PRKN: variants seen among roughly 807,000 people sequenced by gnomAD.
PRKN encodes E3 ubiquitin-protein ligase parkin.
In PRKN, 56 loss-of-function variants were observed where a neutral mutation model predicts 59.5. The observed-to-expected ratio is 0.94, with a 90% CI of 0.76 to 1.18. The LOEUF (loss-of-function observed/expected upper bound fraction) is 1.18. Among genes scored for constraint, PRKN ranks in the 50% most tolerant of loss-of-function variants. The pLI is 0.00. For missense variants in PRKN, 657 were observed against 596.4 expected, an observed-to-expected ratio of 1.10 and a Z score of -1.06; for synonymous variants, 250 against 222.1, an observed-to-expected ratio of 1.13 and a Z score of -1.12.
intron 4 of PRKN, among the ~76,000 whole-genome samples, chr6:162,133,546 A>G (rs1225442402): frequency 6.6e-6 from 1 of 152,168 alleles, no homozygotes; most frequent in Non-Finnish European, 1.5e-5. Flanking sequence ...ATATACAAGG[A>G]TGGAGAAAGG....
chr6:161,953,351 C>T (rs914575815), intron 6 of PRKN, among the ~76,000 whole-genome samples: 1 of 152,132 alleles, frequency 6.6e-6, no homozygotes, highest in Non-Finnish European at 1.5e-5. Flanking sequence ...CCTGGGTGAT[C>T]CACCTGCCTC....
At chr6:161,491,203 T>C (rs1777542627) in intron 9 of PRKN, among the ~76,000 whole-genome samples, 1 of 152,212 alleles carries the variant, frequency 6.6e-6, no homozygotes, top group Non-Finnish European at 1.5e-5. Flanking sequence ...TGAAATGATT[T>C]GGTTCTCTTA....
intron 4 of PRKN, among the ~76,000 whole-genome samples, chr6:162,078,069 T>C (rs1015490980): frequency 4.0e-5 from 6 of 151,832 alleles, no homozygotes; most frequent in Non-Finnish European, 7.4e-5. Context: ...TTTCAACTGA[T>C]TATAGCATAT....
At chr6:162,238,111 G>A (rs1232775875) in intron 3 of PRKN, among the ~76,000 whole-genome samples, 1 of 152,188 alleles carries the variant, frequency 6.6e-6, no homozygotes, top group Non-Finnish European at 1.5e-5. Flanking sequence ...GCTTGTATAT[G>A]TGTTTGGTAT....
At chr6:162,269,422 T>G (rs1256167720) in intron 2 of PRKN, among the ~76,000 whole-genome samples, 1 of 152,172 alleles carries the variant, frequency 6.6e-6, no homozygotes, top group Non-Finnish European at 1.5e-5. Flanking sequence ...GATGCATAAT[T>G]GGGAAATGAA....
chr6:161,652,199 G>C (rs1443203972), intron 7 of PRKN, among the ~76,000 whole-genome samples: 2 of 152,182 alleles, frequency 1.3e-5, no homozygotes, highest in African/African-American at 4.8e-5. Context: ...TTAGCCATGA[G>C]GAAATGCTGT....
intron 9 of PRKN, among the ~76,000 whole-genome samples, chr6:161,500,876 CTTT>C (rs34247928): frequency 2.6e-5 from 3 of 115,392 alleles, no homozygotes; most frequent in African/African-American, 3.5e-5. Context: ...TTTTTTTTTT[CTTT>C]TTTTTTTTTT....
chr6:162,651,041 T>C (rs7752984), intron 1 of PRKN, among the ~76,000 whole-genome samples: 10,865 of 152,228 alleles, frequency 0.071, 511 homozygotes, highest in South Asian at 0.14. Context: ...CTAGATAGGA[T>C]AGGCCAGAGC....
At chr6:162,657,743 T>C (rs2803097) in intron 1 of PRKN, among the ~76,000 whole-genome samples, 95,285 of 151,950 alleles carry the variant, frequency 0.63, 30,619 homozygotes, top group African/African-American at 0.75. Context: ...TAGTCAGATG[T>C]GAACACCCCT....
In PRKN at chr6:161,379,678, G is replaced by A. The variant is rs1173224873; in HGVS notation, c.1167+7116C>T. Among the ~76,000 whole-genome samples, 1 of 152,220 alleles carries A rather than the reference G, an allele frequency of 6.6e-6. No individual in the cohort carries two copies. ...GAAAACCTGGTCTATGCATAGGGAT[G>A]TAAGGCCTGACCACTCTGTGTCCAT... On this transcript the variant is annotated intron_variant, in intron 10 of 11. Coordinates refer to ENST00000366898, the MANE Select transcript of PRKN (RefSeq NM_004562.3). This position sits in a 1 kb window ranked among gnomAD's most constrained non-coding sequence, Gnocchi z 4.9.
At chr6:162,263,559 G>C (rs949630166) in intron 2 of PRKN, among the ~76,000 whole-genome samples, 1 of 152,108 alleles carries the variant, frequency 6.6e-6, no homozygotes, top group Non-Finnish European at 1.5e-5. Context: ...TGACACGTAG[G>C]AACAGAAGAC....
chr6:162,013,191 TA>T (rs1211421087), intron 5 of PRKN, among the ~76,000 whole-genome samples: 1 of 152,176 alleles, frequency 6.6e-6, no homozygotes, highest in Non-Finnish European at 1.5e-5. Context: ...TATTTGGTTA[TA>T]TCATACAGAC....
chr6:162,509,082 G>A (rs765062129), intron 1 of PRKN, among the ~76,000 whole-genome samples: 36 of 152,126 alleles, frequency 2.4e-4, no homozygotes, highest in Non-Finnish European at 2.9e-5. Flanking sequence ...TACTCATGAT[G>A]CTTTGCAGAT....
intron 9 of PRKN, among the ~76,000 whole-genome samples, chr6:161,481,327 G>A (rs1404533597): frequency 1.3e-5 from 2 of 152,114 alleles, no homozygotes; most frequent in African/African-American, 4.8e-5. Context: ...ACCTTTGGCT[G>A]GGCGCGTTGG....
At chr6:161,950,052 A>G (rs1779929821) in intron 6 of PRKN, among the ~76,000 whole-genome samples, 1 of 152,252 alleles carries the variant, frequency 6.6e-6, no homozygotes, top group East Asian at 1.9e-4. Context: ...TTGCTCAATG[A>G]ACTGGAGAAA....
At chr6:161,984,657 T>C (rs1781370916) in intron 5 of PRKN, among the ~76,000 whole-genome samples, 1 of 152,212 alleles carries the variant, frequency 6.6e-6, no homozygotes, top group Non-Finnish European at 1.5e-5. Flanking sequence ...TTATTATCTT[T>C]ATTATCTTGG....
chr6:162,666,471 C>T (rs923020801), intron 1 of PRKN, among the ~76,000 whole-genome samples: 1 of 152,078 alleles, frequency 6.6e-6, no homozygotes, highest in Non-Finnish European at 1.5e-5. Flanking sequence ...CTCAAATTTC[C>T]TATCTCCACA....
intron 4 of PRKN, among the ~76,000 whole-genome samples, chr6:162,169,829 T>A (rs1783180765): frequency 1.3e-5 from 2 of 152,190 alleles, no homozygotes; most frequent in African/African-American, 2.4e-5. Context: ...AGGTAAAAGG[T>A]TTCAGGAGCT....
chr6:162,291,812 T>A (rs1362550216), intron 2 of PRKN, among the ~76,000 whole-genome samples: 1 of 152,086 alleles, frequency 6.6e-6, no homozygotes, highest in Non-Finnish European at 1.5e-5. Flanking sequence ...GAGGAAAAGG[T>A]TGGCGTTGGG....
Sources: allele counts gnomAD v4.1 joint callset (sites outside exome capture counted in the v4.1 genomes callset), GRCh38; gene constraint gnomAD v4.1.1; non-coding constraint Gnocchi (gnomAD v3.1); transcripts MANE v1.5; gene names NCBI Gene and HGNC (gene_info 2026-07-23, HGNC 2026-07-21).